The following BANK1 variants were observed in gnomAD, a reference collection of about 807,000 sequenced individuals.
BANK1 encodes B cell scaffold protein with ankyrin repeats 1, also known as B-cell scaffold protein with ankyrin repeats.
A neutral mutation model predicts 94.5 loss-of-function variants in BANK1; 95 were observed. The observed-to-expected ratio is 1.00, with a 90% CI of 0.85 to 1.19. The LOEUF (loss-of-function observed/expected upper bound fraction) is 1.19. Among genes scored for constraint, BANK1 ranks in the 50% most tolerant of loss-of-function variants. The pLI, the probability that BANK1 is intolerant of heterozygous loss-of-function variation, is 0.00. For missense variants in BANK1, 987 were observed against 932.2 expected, an observed-to-expected ratio of 1.06 and a Z score of -0.77; for synonymous variants, 334 against 308.4, an observed-to-expected ratio of 1.08 and a Z score of -0.87.
chr4:102,019,997 C>T (rs1197862273), intron 7 of BANK1, among the ~76,000 whole-genome samples: 1 of 152,062 alleles, frequency 6.6e-6, no homozygotes, highest in African/African-American at 2.4e-5. Flanking sequence ...AGTTATGACA[C>T]AAAAACAATT....
At chr4:101,819,780 T>G (rs1726066915) in intron 1 of BANK1, among the ~76,000 whole-genome samples, 1 of 152,174 alleles carries the variant, frequency 6.6e-6, no homozygotes, top group Non-Finnish European at 1.5e-5. Context: ...AATACATTTC[T>G]TAATGCTAGC....
intron 2 of BANK1, among the ~76,000 whole-genome samples, chr4:101,833,639 C>G (rs1056771765): frequency 3.3e-5 from 5 of 152,126 alleles, no homozygotes; most frequent in Non-Finnish European, 7.4e-5. Context: ...TGTCTTTTCT[C>G]TGTTTCCTCC....
chr4:101,813,912 T>C, intron 1 of BANK1: 1 of 984,892 alleles, frequency 1.0e-6, no homozygotes, highest in Non-Finnish European at 1.2e-6. Context: ...ATCTGATGAG[T>C]AGAAATTCAG....
At chr4:102,058,653 T>C (rs1174728739) in intron 11 of BANK1, among the ~76,000 whole-genome samples, 1 of 151,542 alleles carries the variant, frequency 6.6e-6, no homozygotes. Flanking sequence ...TTGCAGCTTC[T>C]CATGCTAATC....
At chr4:102,060,154 G>A in intron 11 of BANK1, 57 bp from the exon 12 acceptor site, 1 of 1,430,884 alleles carries the variant, frequency 7.0e-7, no homozygotes, top group East Asian at 2.5e-5. Flanking sequence ...GAGTGCTTTT[G>A]TTCCCAGTTG....
At chr4:102,031,383 T>G (rs58347863) in intron 10 of BANK1, among the ~76,000 whole-genome samples, 50,380 of 152,052 alleles carry the variant, frequency 0.33, 8,650 homozygotes, top group South Asian at 0.45. Context: ...TCCCACTCTG[T>G]AGGTTGCGTG....
chr4:101,957,804 T>G (rs1371243449), intron 7 of BANK1, among the ~76,000 whole-genome samples: 1 of 151,850 alleles, frequency 6.6e-6, no homozygotes, highest in Non-Finnish European at 1.5e-5. Flanking sequence ...TCTTTAGGTT[T>G]GTTGTTGTTG....
rs1209434390 is a variant in BANK1, at chr4:102,055,754, A to AAGAT, written c.1970-4453_1970-4450dup. The stretch of plus-strand genomic sequence containing the variant: ...ACATACACAAAAAGTACCTATTAAA[A>AAGAT]AGATAGAATAATGCTATTTTCCTAA... On this transcript the variant is annotated intron_variant, in intron 11 of 16. Coordinates refer to ENST00000322953, the MANE Select transcript of BANK1 (RefSeq NM_017935.5). 2.0e-5 allele frequency among the ~76,000 whole-genome samples: 3 copies of AAGAT among 152,128 alleles called. No individual in the cohort carries two copies. The East Asian group carries it at 5.8e-4, about 29-fold the overall frequency.
chr4:101,954,841 C>A (rs1356530124), intron 7 of BANK1, among the ~76,000 whole-genome samples: 3 of 152,068 alleles, frequency 2.0e-5, no homozygotes, highest in Admixed American at 6.6e-5. Flanking sequence ...AAAAAGGAAT[C>A]TTTTACTGCT....
rs367959578 is a variant in BANK1 at position 101,790,835 on chromosome 4, G to T, written c.-46G>T. ...CTCTGGCCGGGAGAGTCCAGGTAGC[G>T]CTCGGCGGGCAGCAGTGCGCAGGCC... is the stretch of plus-strand genomic sequence containing the variant. On this transcript the variant is annotated 5_prime_UTR_variant, in exon 1 of 17. Coordinates refer to ENST00000322953, the MANE Select transcript of BANK1 (RefSeq NM_017935.5). The T allele has an allele frequency of 2.6e-6, 4 of 1,525,238 alleles. No homozygotes were observed. Among genetic ancestry groups the T allele is most frequent in the East Asian group, 2.5e-5 (1 of 40,666 alleles). The allele number at this position is 1,525,238 out of a possible 1,614,324, so 94.5% of individuals were successfully genotyped here. A position where few individuals can be genotyped will look rare whatever the true frequency, so the allele number is the denominator to read the frequency against.
chr4:101,862,312 A>C (rs1727908007), intron 3 of BANK1, among the ~76,000 whole-genome samples: 1 of 152,106 alleles, frequency 6.6e-6, no homozygotes, highest in Non-Finnish European at 1.5e-5. Context: ...AGAGGGAAAA[A>C]AAGAGCGTAC....
chr4:101,856,599 A>G (rs1386977392), intron 3 of BANK1, among the ~76,000 whole-genome samples: 1 of 152,232 alleles, frequency 6.6e-6, no homozygotes, highest in Admixed American at 6.5e-5. Context: ...AAATATCTGC[A>G]ACAGTAAAAT....
chr4:102,037,257 TG>T (rs1461017644), intron 10 of BANK1, among the ~76,000 whole-genome samples: 1 of 152,226 alleles, frequency 6.6e-6, no homozygotes, highest in Non-Finnish European at 1.5e-5. Context: ...TTACATGCAC[TG>T]GACAGCCCCA....
chr4:101,963,633 A>G lies in BANK1; in HGVS notation c.1206+45444A>G, dbSNP rs866447434. Among the ~76,000 whole-genome samples, 12 of 152,242 alleles carry G rather than the reference A, an allele frequency of 7.9e-5. No individual in the cohort carries two copies. The Middle Eastern group carries it at 0.01, about 129-fold the overall frequency. ...AAGTGTACTATTTATTCATTAATTC[A>G]TTTAGGCTTCCATATTTTGCATTAT... On this transcript the variant is annotated intron_variant, in intron 7 of 16. Transcript: ENST00000322953.
At chr4:102,027,334 C>G (rs1351097610) in intron 9 of BANK1, among the ~76,000 whole-genome samples, 1 of 151,984 alleles carries the variant, frequency 6.6e-6, no homozygotes, top group Non-Finnish European at 1.5e-5. Flanking sequence ...CATGAGTTGT[C>G]TAAGATCAGA....
chr4:101,937,415 G>A (rs958795112), intron 7 of BANK1, among the ~76,000 whole-genome samples: 2 of 151,488 alleles, frequency 1.3e-5, no homozygotes, highest in African/African-American at 2.4e-5. Context: ...CAACTCCATC[G>A]AAAAGTGGAC....
intron 7 of BANK1, among the ~76,000 whole-genome samples, chr4:101,943,238 C>T (rs906240056): frequency 7.9e-5 from 12 of 151,948 alleles, no homozygotes; most frequent in African/African-American, 2.7e-4. Context: ...AAATTAGTGC[C>T]TTGCCCTCAA....
At chr4:101,952,716 A>T (rs1321527168) in intron 7 of BANK1, among the ~76,000 whole-genome samples, 1 of 152,140 alleles carries the variant, frequency 6.6e-6, no homozygotes, top group East Asian at 1.9e-4. Flanking sequence ...TCCATGAGGC[A>T]GGAGTCGTAT....
chr4:101,979,303 C>T (rs1271281402), intron 7 of BANK1, among the ~76,000 whole-genome samples: 1 of 151,566 alleles, frequency 6.6e-6, no homozygotes, highest in African/African-American at 2.4e-5. Flanking sequence ...TAGTTTTTGA[C>T]CATAAAAAAT....
Sources: gnomAD v4.1 joint callset for allele counts (sites outside exome capture counted in the v4.1 genomes callset) on GRCh38, gnomAD v4.1.1 for gene constraint, MANE v1.5 for transcripts, NCBI Gene and HGNC (gene_info 2026-07-23, HGNC 2026-07-21) for gene names.